Variants in PWWP2A observed in about 807,000 individuals in gnomAD.
PWWP2A encodes the protein PWWP domain containing 2A, also known as PWWP domain-containing protein 2A.
In PWWP2A, 18 loss-of-function variants were observed where a neutral mutation model predicts 48.5. That is an observed-to-expected ratio of 0.37 (90% CI 0.26 to 0.55). The LOEUF (loss-of-function observed/expected upper bound fraction) is 0.55. PWWP2A is among the 20% of genes least tolerant of loss of function. The pLI is 0.81. For synonymous variants in PWWP2A, 396 were observed against 387.7 expected, an observed-to-expected ratio of 1.02 and a Z score of -0.25; for missense variants, 867 against 976.4, an observed-to-expected ratio of 0.89 and a Z score of 1.49.
chr5:160,052,595 A>G, the PWWP2A span, among the ~76,000 whole-genome samples: 1 of 134,038 alleles, frequency 7.5e-6, no homozygotes, highest in Non-Finnish European at 1.6e-5. Flanking sequence ...TTAGTATTTG[A>G]ATTTCTTGCT....
Position 160,093,739 on chromosome 5 carries a change from T to C in PWWP2A, c.911A>G (p.Glu304Gly). 6.2e-7 allele frequency: 1 copy of C among 1,614,076 alleles called. No individual in the cohort carries two copies. The highest frequency in any genetic ancestry group is 8.5e-7 in the Non-Finnish European group (1 of 1,179,906). ...IKRPKRKMYR[E>G]EPTSIMNAIK... ...AGCATTCATTATTGAAGTGGGTTCT[T>C]CCCTGTACATTTTTCGTTTGGGTCG... The change falls in exon 2 of 2, where the codon GAA becomes GGA. Residue 304 changes from glutamate to glycine, a missense_variant. Glu to Gly is a moderately conservative substitution (Grantham distance 98). Transcript: ENST00000307063. This position sits in a 1 kb window ranked among gnomAD's most constrained non-coding sequence, Gnocchi z 5.8.
intron 1 of PWWP2A, among the ~76,000 whole-genome samples, chr5:160,095,588 T>A (rs1755553475): frequency 6.6e-6 from 1 of 152,078 alleles, no homozygotes; most frequent in Non-Finnish European, 1.5e-5. Context: ...CTTCAGGTAG[T>A]CAGTCACGTG....
At chr5:160,105,643 T>A (rs1756816954) in intron 1 of PWWP2A, 6 of 969,226 alleles carry the variant, frequency 6.2e-6, no homozygotes, top group Non-Finnish European at 7.4e-6. Context: ...TAAAAGACTA[T>A]AACAATTTCC....
chr5:160,099,962 G>A (rs1246137640), intron 1 of PWWP2A, among the ~76,000 whole-genome samples: 3 of 151,854 alleles, frequency 2.0e-5, no homozygotes, highest in African/African-American at 7.3e-5. Context: ...CACTGCACCT[G>A]GCCAGTGCCA....
intron 1 of PWWP2A, among the ~76,000 whole-genome samples, chr5:160,103,818 C>G (rs1384459849): frequency 4.6e-5 from 7 of 152,040 alleles, no homozygotes; most frequent in Non-Finnish European, 8.8e-5. Context: ...CGGAGAATAA[C>G]CAGTCTCTTA....
chr5:160,051,923 T>A, the PWWP2A span, among the ~76,000 whole-genome samples: 1 of 152,246 alleles, frequency 6.6e-6, no homozygotes, highest in African/African-American at 2.4e-5. Context: ...TAAACTGCAA[T>A]CATGTGGCCC....
intron 1 of PWWP2A, among the ~76,000 whole-genome samples, chr5:160,097,584 C>T (rs764770549): frequency 7.9e-5 from 12 of 151,184 alleles, no homozygotes; most frequent in South Asian, 2.1e-4. Context: ...GAGCCGAGAT[C>T]GCACCACTGC....
downstream of PWWP2A, among the ~76,000 whole-genome samples, chr5:160,057,875 C>A (rs2113412005): frequency 6.6e-6 from 1 of 152,284 alleles, no homozygotes; most frequent in East Asian, 1.9e-4. The surrounding 1 kb of genome is among the most constrained non-coding windows in gnomAD (Gnocchi z 4.4). Context: ...TCAAACAATT[C>A]TTCTGCCTCA....
chr5:160,080,657 G>T, exon 3 of PWWP2A: 2 of 1,549,534 alleles, frequency 1.3e-6, no homozygotes, highest in Non-Finnish European at 8.8e-7. Context: ...AGACCTGCCC[G>T]TTTCACTGTT....
chr5:160,093,432 A>G lies in PWWP2A; in HGVS notation c.1218T>C (p.Asn406=). 1 of 1,613,548 alleles carries G rather than the reference A, an allele frequency of 6.2e-7. No individual in the cohort carries two copies. Residue 406 remains asparagine (N), a synonymous_variant, in exon 2 of 2, where the codon AAT becomes AAC. Transcript: ENST00000307063. The surrounding 1 kb of genome is among the most constrained non-coding windows in gnomAD (Gnocchi z 5.8). The stretch of plus-strand genomic sequence containing the variant: ...TAGTACTTAACTGAGCTTTTGATGT[A>G]TTTGCCTGAGCAGAAACTTTTACTA... ...GRVVKVSAQA[N]TSKAQLSTKK... is the part of the protein sequence containing the mutation.
chr5:160,092,959 A>G lies in PWWP2A; in HGVS notation c.1691T>C (p.Ile564Thr). The G allele has an allele frequency of 6.4e-7, 1 of 1,552,658 alleles. No individual in the cohort carries two copies. The highest frequency in any genetic ancestry group is 8.7e-7 in the Non-Finnish European group (1 of 1,147,482). ...TTGATTTAGGGTCATATAAACAGAG[A>G]TATTGTTTTTGCTGCCCTTTTTGCC... ...TLGKKGSKNN[I>T]SVYMTLNQKK... The change falls in exon 2 of 2, where the codon ATC (isoleucine) becomes ACC (threonine). Residue 564 changes from isoleucine (I) to threonine (T), a missense_variant. This residue lies in a region of PWWP2A where 382 missense variants were observed against 407.2 expected (regional missense o/e 0.94). Coordinates refer to ENST00000307063, the MANE Select transcript of PWWP2A (RefSeq NM_001130864.2).
chr5:160,073,076 A>G (rs1187599103), downstream of PWWP2A, among the ~76,000 whole-genome samples: 1 of 151,398 alleles, frequency 6.6e-6, no homozygotes, highest in Non-Finnish European at 1.5e-5. Flanking sequence ...CTGAGTAGGA[A>G]CTGAAGAGCT....
chr5:160,117,525 C>T (rs536799922), intron 1 of PWWP2A, among the ~76,000 whole-genome samples: 87 of 152,154 alleles, frequency 5.7e-4, no homozygotes, highest in African/African-American at 1.5e-3. Context: ...AGCATGGTGG[C>T]GCACGCCTGT....
the PWWP2A span, among the ~76,000 whole-genome samples, chr5:160,054,383 G>A: frequency 6.6e-6 from 1 of 152,194 alleles, no homozygotes; most frequent in East Asian, 1.9e-4. Context: ...GGAGGCCAAG[G>A]TGGGAGGATT....
the PWWP2A span, among the ~76,000 whole-genome samples, chr5:160,047,717 GC>G: frequency 6.6e-6 from 1 of 152,042 alleles, no homozygotes; most frequent in Non-Finnish European, 1.5e-5. Flanking sequence ...CTGATCCCCA[GC>G]CTGATAACTC....
chr5:160,085,695 C>A (rs183397736), intron 2 of PWWP2A, among the ~76,000 whole-genome samples: 133 of 151,790 alleles, frequency 8.8e-4, no homozygotes, highest in Non-Finnish European at 1.4e-3. Flanking sequence ...TTAATAGAGA[C>A]GGGGTTTCAC....
the PWWP2A span, chr5:160,049,471 C>A: frequency 6.6e-7 from 1 of 1,515,786 alleles, no homozygotes; most frequent in Non-Finnish European, 8.8e-7. Context: ...GATATGTAGG[C>A]CATTTTTCTT....
At chr5:160,050,473 T>TA in the PWWP2A span, among the ~76,000 whole-genome samples, 4 of 151,896 alleles carry the variant, frequency 2.6e-5, no homozygotes, top group East Asian at 1.9e-4. Flanking sequence ...CAAATGAATT[T>TA]AAAAAAAAGT....
chr5:160,065,651 C>G (rs1581136431), intron 4 of PWWP2A: 2 of 305,098 alleles, frequency 6.6e-6, no homozygotes, highest in East Asian at 1.8e-4. Context: ...ATTCCAGATT[C>G]CACAGATCTG....
Sources: allele counts gnomAD v4.1 joint callset (sites outside exome capture counted in the v4.1 genomes callset), GRCh38; gene constraint gnomAD v4.1.1; regional missense constraint gnomAD v4.1.1; non-coding constraint Gnocchi (gnomAD v3.1); transcripts MANE v1.5; gene names NCBI Gene and HGNC (gene_info 2026-07-23, HGNC 2026-07-21).